Variants in PDS5B observed in about 807,000 individuals in gnomAD.
PDS5B encodes PDS5 cohesin associated factor B, also known as sister chromatid cohesion protein PDS5 homolog B.
In PDS5B, 51 loss-of-function variants were observed where a neutral mutation model predicts 184.1. The ratio of observed to expected loss-of-function variants is 0.28; its 90% CI spans 0.22 to 0.35. The LOEUF is 0.35. Ranked by LOEUF, PDS5B falls within the 10% of genes least tolerant of loss-of-function variation. The pLI is 1.00. For missense variants in PDS5B, 1,180 were observed against 1,723.3 expected (o/e 0.68, Z 5.58); for synonymous variants, 566 against 569.2 (o/e 0.99, Z 0.08).
chr13:32,620,580 C>T (rs1278669046), intron 1 of PDS5B, among the ~76,000 whole-genome samples: 1 of 151,622 alleles, frequency 6.6e-6, no homozygotes, highest in African/African-American at 2.4e-5. Context: ...TGGCGTGAAC[C>T]CAGGAGGCAG....
At chr13:32,729,118 C>T (rs941952995) in intron 19 of PDS5B, among the ~76,000 whole-genome samples, 1 of 151,938 alleles carries the variant, frequency 6.6e-6, no homozygotes, top group Non-Finnish European at 1.5e-5. Flanking sequence ...CACAACAGGC[C>T]CTGGTGTGTG....
At chr13:32,772,629 C>A (rs1954828142) in intron 33 of PDS5B, among the ~76,000 whole-genome samples, 1 of 152,102 alleles carries the variant, frequency 6.6e-6, no homozygotes, top group African/African-American at 2.4e-5. Context: ...TAGGCAAGGA[C>A]CATCTACTGT....
intron 9 of PDS5B, among the ~76,000 whole-genome samples, chr13:32,677,833 A>G (rs1299432326): frequency 1.3e-5 from 2 of 152,166 alleles, no homozygotes; most frequent in Non-Finnish European, 2.9e-5. Context: ...AAAATATTGA[A>G]TGGAAAAATC....
intron 1 of PDS5B, among the ~76,000 whole-genome samples, chr13:32,586,831 AGGGCCCCGCGGCCGGCGCGCG>A (rs2057685179): frequency 1.4e-5 from 2 of 140,350 alleles, no homozygotes; most frequent in Admixed American, 7.0e-5. Flanking sequence ...GGGGGTGGGG[AGGGCCCCGCGGCCGGCGCGCG>A]CCTCCACGCC....
At chr13:32,639,524 G>GA (rs1412640122) in intron 1 of PDS5B, among the ~76,000 whole-genome samples, 2 of 152,162 alleles carry the variant, frequency 1.3e-5, no homozygotes, top group African/African-American at 4.8e-5. Flanking sequence ...TAAACAGTTG[G>GA]AAAATATGTA....
intron 24 of PDS5B, among the ~76,000 whole-genome samples, chr13:32,751,574 T>C (rs1386367876): frequency 6.6e-6 from 1 of 152,240 alleles, no homozygotes; most frequent in African/African-American, 2.4e-5. Flanking sequence ...AGATGGTATC[T>C]CGTGGTTTTG....
intron 19 of PDS5B, among the ~76,000 whole-genome samples, chr13:32,713,951 G>A (rs1162952298): frequency 2.6e-5 from 4 of 152,116 alleles, no homozygotes; most frequent in African/African-American, 7.2e-5. Context: ...AGCGGCGGCC[G>A]GCTTGAGAAA....
chr13:32,754,784 A>G (rs963377246), intron 25 of PDS5B, among the ~76,000 whole-genome samples: 1 of 152,186 alleles, frequency 6.6e-6, no homozygotes, highest in Admixed American at 6.5e-5. Flanking sequence ...GGCATAATGT[A>G]TGGCCCAAAG....
intron 19 of PDS5B, among the ~76,000 whole-genome samples, chr13:32,721,183 G>T (rs934202328): frequency 2.0e-5 from 3 of 152,192 alleles, no homozygotes; most frequent in Admixed American, 6.5e-5. Flanking sequence ...CGTGGTGGCT[G>T]GGCAGAGGGG....
intron 1 of PDS5B, among the ~76,000 whole-genome samples, chr13:32,634,610 G>A (rs1205955972): frequency 1.0e-4 from 15 of 143,444 alleles, no homozygotes; most frequent in Non-Finnish European, 2.1e-4. Flanking sequence ...TGAGAACAGT[G>A]TCTTACTCTG....
intron 12 of PDS5B, among the ~76,000 whole-genome samples, 195 bp from the exon 13 acceptor site, chr13:32,688,261 T>G (rs1301631066): frequency 6.6e-6 from 1 of 152,174 alleles, no homozygotes; most frequent in Non-Finnish European, 1.5e-5. Context: ...TAGGGCTGTT[T>G]TCAGTACATC....
chr13:32,632,969 C>T (rs910745959), intron 1 of PDS5B, among the ~76,000 whole-genome samples: 24 of 152,110 alleles, frequency 1.6e-4, no homozygotes, highest in African/African-American at 5.1e-4. Context: ...GGCGTGGTGG[C>T]GCGCGCCTGT....
Position 32,632,267 on chromosome 13 carries a change from A to G in PDS5B, c.-19-16487A>G, listed in dbSNP as rs1450422137. On this transcript the variant is annotated intron_variant, in intron 1 of 34. Coordinates refer to ENST00000315596, the MANE Select transcript of PDS5B (RefSeq NM_015032.4). ...CTACAGAAGAAAATATTTGCAAGTCATATCTTTAACAAGGATTTAATGTCC... is the reference window on the plus strand; with the variant it reads ...CTACAGAAGAAAATATTTGCAAGTCGTATCTTTAACAAGGATTTAATGTCC... 2.0e-5 allele frequency among the ~76,000 whole-genome samples: 3 copies of G among 152,226 alleles called. No homozygotes were observed. The South Asian group carries it at 6.2e-4, about 31-fold the overall frequency.
At chr13:32,749,477 CAA>C (rs111347848) in intron 24 of PDS5B, among the ~76,000 whole-genome samples, 7,153 of 139,012 alleles carry the variant, frequency 0.051, 472 homozygotes, top group African/African-American at 0.16. Context: ...TTTAATAAAA[CAA>C]TATGAATTTT....
chr13:32,693,123 A>G (rs546323969), intron 13 of PDS5B, among the ~76,000 whole-genome samples: 2 of 152,150 alleles, frequency 1.3e-5, no homozygotes, highest in Admixed American at 1.3e-4. Context: ...TTTGAAAATT[A>G]TTTTAATCTT....
intron 1 of PDS5B, among the ~76,000 whole-genome samples, chr13:32,629,602 A>G (rs2058424694): frequency 6.6e-6 from 1 of 152,348 alleles, no homozygotes; most frequent in Admixed American, 6.5e-5. Flanking sequence ...TCTCCTCAAT[A>G]GCTCTTAGAC....
chr13:32,628,508 A>G (rs935434782), intron 1 of PDS5B, among the ~76,000 whole-genome samples: 3 of 151,082 alleles, frequency 2.0e-5, no homozygotes, highest in Non-Finnish European at 4.4e-5. Context: ...AGATCGTGCC[A>G]CTGCACTCCA....
At chr13:32,764,205 A>C (rs1954509119) in intron 30 of PDS5B, among the ~76,000 whole-genome samples, 1 of 152,148 alleles carries the variant, frequency 6.6e-6, no homozygotes, top group Admixed American at 6.5e-5. Context: ...CAACGAGAAA[A>C]GTTTTAATTG....
intron 24 of PDS5B, among the ~76,000 whole-genome samples, chr13:32,749,965 A>T (rs575261914): frequency 6.6e-5 from 10 of 152,288 alleles, no homozygotes; most frequent in Non-Finnish European, 1.5e-4. Flanking sequence ...TTTACTTCAC[A>T]TTTAACTTTT....
Sources: allele counts gnomAD v4.1 joint callset (sites outside exome capture counted in the v4.1 genomes callset), GRCh38; gene constraint gnomAD v4.1.1; transcripts MANE v1.5; gene names NCBI Gene and HGNC (gene_info 2026-07-23, HGNC 2026-07-21).